Variants in CYP7B1 observed in about 807,000 individuals in gnomAD.
CYP7B1 encodes the protein cytochrome P450 family 7 subfamily B member 1.
A neutral mutation model predicts 42.7 loss-of-function variants in CYP7B1; 29 were observed. The observed-to-expected ratio is 0.68, with a 90% CI of 0.51 to 0.93. CYP7B1 has a LOEUF of 0.93. Ranked by LOEUF, CYP7B1 falls within the 40% of genes least tolerant of loss-of-function variation. CYP7B1 has a pLI of 0.00. For missense variants in CYP7B1, 655 were observed against 600.5 expected, an observed-to-expected ratio of 1.09 and a Z score of -0.95; for synonymous variants, 235 against 218.2, an observed-to-expected ratio of 1.08 and a Z score of -0.68.
At chr8:64,682,564 C>T (rs2129631977) in intron 1 of CYP7B1, among the ~76,000 whole-genome samples, 1 of 152,178 alleles carries the variant, frequency 6.6e-6, no homozygotes, top group Non-Finnish European at 1.5e-5. Context: ...CTGTGTGGCT[C>T]CCTCATTTAG....
At chr8:64,632,086 A>G (rs1805705387) in intron 1 of CYP7B1, among the ~76,000 whole-genome samples, 1 of 152,154 alleles carries the variant, frequency 6.6e-6, no homozygotes, top group African/African-American at 2.4e-5. Context: ...TTTATCGAAA[A>G]GAATGAAATC....
intron 5 of CYP7B1, among the ~76,000 whole-genome samples, chr8:64,600,193 G>T (rs750465412): frequency 1.3e-5 from 2 of 152,194 alleles, no homozygotes; most frequent in Non-Finnish European, 2.9e-5. Flanking sequence ...TAATATTGAA[G>T]CACTAGAAAT....
At chr8:64,622,752 C>T (rs914648901) in intron 2 of CYP7B1, among the ~76,000 whole-genome samples, 1 of 152,116 alleles carries the variant, frequency 6.6e-6, no homozygotes, top group Non-Finnish European at 1.5e-5. Flanking sequence ...AGTCCAGAGG[C>T]GGCAAGAAGA....
intron 1 of CYP7B1, among the ~76,000 whole-genome samples, chr8:64,767,137 G>C (rs1271496940): frequency 6.6e-6 from 1 of 152,200 alleles, no homozygotes; most frequent in Non-Finnish European, 1.5e-5. Context: ...GAAGGAAAAA[G>C]GGTAAATACA....
At chr8:64,732,694 C>A (rs923158766) in intron 1 of CYP7B1, 2 of 152,180 alleles carry the variant, frequency 1.3e-5, no homozygotes, top group Non-Finnish European at 2.9e-5. Context: ...CAATCCAAAT[C>A]TCATCTTGAT....
rs539749076 is a variant in CYP7B1, at chr8:64,755,129, G to A, written c.122+43337C>T. The stretch of plus-strand genomic sequence containing the variant: ...ACCTGAGATTTGTGCTTAGGGTCAC[G>A]TTTGCCTCACCGCAGGCTGACTGCC... On this transcript the variant is annotated intron_variant, in intron 1 of 5. Transcript: ENST00000310193. Among the ~76,000 whole-genome samples the A allele has an allele frequency of 3.3e-5, 5 of 152,264 alleles. No homozygotes were observed. In the South Asian group the frequency reaches 6.2e-4, roughly 19 times the overall value.
chr8:64,653,522 A>G (rs1466372578), intron 1 of CYP7B1, among the ~76,000 whole-genome samples: 1 of 152,148 alleles, frequency 6.6e-6, no homozygotes, highest in Non-Finnish European at 1.5e-5. Flanking sequence ...CCTACCAACC[A>G]AAAAAAGCCC....
intron 1 of CYP7B1, among the ~76,000 whole-genome samples, chr8:64,646,353 G>GA (rs954873146): frequency 2.0e-5 from 3 of 152,030 alleles, no homozygotes; most frequent in African/African-American, 7.2e-5. Context: ...AAATTTACAA[G>GA]AAAAAAACAA....
chr8:64,732,969 G>C (rs527386895), intron 1 of CYP7B1: 1 of 152,214 alleles, frequency 6.6e-6, no homozygotes, highest in South Asian at 2.1e-4. Flanking sequence ...AATCTCTTTG[G>C]AAGGGCAAAA....
At chr8:64,712,179 T>C (rs764214521) in intron 1 of CYP7B1, among the ~76,000 whole-genome samples, 5 of 152,186 alleles carry the variant, frequency 3.3e-5, no homozygotes, top group Non-Finnish European at 5.9e-5. Flanking sequence ...AAGAATCTTC[T>C]TGAAAATCAT....
At position 64,652,701 on chromosome 8, in the gene CYP7B1, G is replaced by A. The variant is rs530349051; in HGVS notation, c.123-28162C>T. ...CGATTAAAAATACAAAAAGTTAGCC[G>A]GGCGTGGTGGCAGGCGCCTGTAGTC... On this transcript the variant is annotated intron_variant, in intron 1 of 5. Transcript: ENST00000310193. Among the ~76,000 whole-genome samples, 37 of 152,106 alleles carry A rather than the reference G, an allele frequency of 2.4e-4. No individual in the cohort carries two copies. The South Asian group carries it at 3.1e-3, about 13-fold the overall frequency.
At chr8:64,743,166 A>T (rs1470129687) in intron 1 of CYP7B1, among the ~76,000 whole-genome samples, 1 of 152,070 alleles carries the variant, frequency 6.6e-6, no homozygotes, top group East Asian at 1.9e-4. Flanking sequence ...AACATTTTCC[A>T]TTTTTTTAAT....
chr8:64,708,057 G>A (rs778029753), intron 1 of CYP7B1, among the ~76,000 whole-genome samples: 1 of 152,142 alleles, frequency 6.6e-6, no homozygotes, highest in Non-Finnish European at 1.5e-5. Flanking sequence ...TCAGCAGAAA[G>A]AGGCAAAGGA....
chr8:64,703,033 G>C (rs1300361145), intron 1 of CYP7B1, among the ~76,000 whole-genome samples: 4 of 151,774 alleles, frequency 2.6e-5, no homozygotes, highest in Admixed American at 2.6e-4. Context: ...AAAAAATTTA[G>C]TCAATTTATG....
chr8:64,650,048 GT>G, intron 1 of CYP7B1, among the ~76,000 whole-genome samples: 1 of 152,128 alleles, frequency 6.6e-6, no homozygotes, highest in East Asian at 1.9e-4. Context: ...ATGTGAAAAA[GT>G]TTTTAAGTTT....
intron 1 of CYP7B1, among the ~76,000 whole-genome samples, chr8:64,659,585 T>C (rs933577035): frequency 2.0e-5 from 3 of 152,230 alleles, no homozygotes; most frequent in Non-Finnish European, 4.4e-5. Flanking sequence ...TTCCTAAGTT[T>C]TAGCACAACA....
chr8:64,640,410 T>C (rs1232331805), intron 1 of CYP7B1, among the ~76,000 whole-genome samples: 1 of 152,148 alleles, frequency 6.6e-6, no homozygotes, highest in Non-Finnish European at 1.5e-5. Flanking sequence ...ATTTCTATCA[T>C]TAGGTAAAGA....
intron 5 of CYP7B1, among the ~76,000 whole-genome samples, chr8:64,602,434 C>T (rs774927317): frequency 2.6e-5 from 4 of 151,420 alleles, no homozygotes; most frequent in Non-Finnish European, 5.9e-5. Flanking sequence ...CTTTGAAATG[C>T]CAAATTTTAG....
chr8:64,792,627 A>G (rs1301889807), intron 1 of CYP7B1, among the ~76,000 whole-genome samples: 3 of 152,202 alleles, frequency 2.0e-5, no homozygotes, highest in South Asian at 2.1e-4. Flanking sequence ...ATTATCCAGA[A>G]AAGATCTGGA....
Sources: gnomAD v4.1 joint callset for allele counts (sites outside exome capture counted in the v4.1 genomes callset) on GRCh38, gnomAD v4.1.1 for gene constraint, MANE v1.5 for transcripts, NCBI Gene and HGNC (gene_info 2026-07-23, HGNC 2026-07-21) for gene names.